AP1S3: variants seen among roughly 807,000 people sequenced by gnomAD.
The protein encoded by AP1S3 is adaptor related protein complex 1 subunit sigma 3, also known as AP-1 complex subunit sigma-3.
AP1S3 carries 10 observed loss-of-function variants against 20.9 expected under a neutral mutation model. That is an observed-to-expected ratio of 0.48 (90% confidence interval 0.29 to 0.81). The LOEUF (loss-of-function observed/expected upper bound fraction) is 0.81, where lower values mean the gene tolerates loss of function less well. Ranked by LOEUF, AP1S3 falls within the 30% of genes least tolerant of loss-of-function variation. The pLI, the probability that AP1S3 is intolerant of heterozygous loss-of-function variation, is 0.08. For synonymous variants in AP1S3, 41 were observed against 61.5 expected (o/e 0.67, Z 1.56); for missense variants, 154 against 183.8 (o/e 0.84, Z 0.94).
chr2:223,780,349 A>AGTGTGT (rs1298235522), intron 1 of AP1S3, among the ~76,000 whole-genome samples: 170 of 69,734 alleles, frequency 2.4e-3, no homozygotes, highest in Non-Finnish European at 3.2e-3. Context: ...AGAGAGAGAG[A>AGTGTGT]GAGAGAGAGT....
intron 4 of AP1S3, among the ~76,000 whole-genome samples, chr2:223,763,201 AG>A (rs1364970053): frequency 6.6e-6 from 1 of 152,214 alleles, no homozygotes; most frequent in East Asian, 1.9e-4. Flanking sequence ...GCTAAATGCA[AG>A]GTCCCCTGAG....
At chr2:223,806,932 A>T (rs1384870259) in intron 1 of AP1S3, among the ~76,000 whole-genome samples, 1 of 152,144 alleles carries the variant, frequency 6.6e-6, no homozygotes, top group Non-Finnish European at 1.5e-5. Flanking sequence ...ATTATGCATT[A>T]CTGTCATAAT....
intron 1 of AP1S3, among the ~76,000 whole-genome samples, chr2:223,792,937 A>C (rs1691243438): frequency 6.6e-6 from 1 of 152,250 alleles, no homozygotes; most frequent in Admixed American, 6.5e-5. Flanking sequence ...ACTTGTCAAA[A>C]GAAGACATAC....
At chr2:223,801,239 G>T (rs1691458679) in intron 1 of AP1S3, among the ~76,000 whole-genome samples, 1 of 152,132 alleles carries the variant, frequency 6.6e-6, no homozygotes, top group Admixed American at 6.6e-5. Context: ...ACTTGATAAG[G>T]ACTCTAGGGC....
At chr2:223,780,308 TAGAGAGAGAGAGAGAGAGAGAGAGAG>T (rs527550327) in intron 1 of AP1S3, among the ~76,000 whole-genome samples, 5 of 62,036 alleles carry the variant, frequency 8.1e-5, no homozygotes, top group African/African-American at 3.7e-4. Flanking sequence ...TATATATATA[TAGAGAGAGAGAGAGAGAGAGAGAGAG>T]AGAGAGAGAG....
chr2:223,837,582 T>G lies in AP1S3; in HGVS notation c.-132A>C. On this transcript the variant is annotated 5_prime_UTR_variant, in exon 1 of 5. Transcript: ENST00000396654. ...CTTAGACCATGGCTGCTTCCCACAA[T>G]GCCCTGGCACTGAAAGTGTGCAGAC... The G allele has an allele frequency of 2.0e-6, 1 of 508,742 alleles. No individual in the cohort carries two copies. The highest frequency in any genetic ancestry group is 2.0e-5 in the African/African-American group (1 of 50,304). 31.5% of individuals were successfully genotyped at this position (508,742 alleles called of 1,614,324 possible).
chr2:223,797,321 C>T (rs1691361977), intron 1 of AP1S3, among the ~76,000 whole-genome samples: 2 of 152,156 alleles, frequency 1.3e-5, no homozygotes, highest in South Asian at 4.2e-4. Context: ...CAACGAAAGC[C>T]GCAGCCACAG....
chr2:223,810,340 T>A (rs1232097411), intron 1 of AP1S3, among the ~76,000 whole-genome samples: 2 of 151,914 alleles, frequency 1.3e-5, no homozygotes, highest in African/African-American at 4.8e-5. Flanking sequence ...TGAGACAGGG[T>A]CTCCATCTAT....
At chr2:223,808,616 A>C (rs1423655154) in intron 1 of AP1S3, among the ~76,000 whole-genome samples, 1 of 152,234 alleles carries the variant, frequency 6.6e-6, no homozygotes, top group Non-Finnish European at 1.5e-5. Context: ...ACTAGAACAC[A>C]CTAGACTAAT....
At chr2:223,777,656 A>G (rs762677815) in intron 2 of AP1S3, 35 bp downstream of exon 2, 2 of 1,588,808 alleles carry the variant, frequency 1.3e-6, no homozygotes, top group South Asian at 1.1e-5. Flanking sequence ...CCAAAGTAAG[A>G]CTGAGAAATT....
intron 1 of AP1S3, among the ~76,000 whole-genome samples, chr2:223,786,559 G>A (rs186260410): frequency 6.6e-6 from 1 of 151,888 alleles, no homozygotes; most frequent in Admixed American, 6.6e-5. Context: ...TTCAAGACTA[G>A]CCTGGGCAAC....
At chr2:223,812,932 T>G (rs1300162571) in intron 1 of AP1S3, among the ~76,000 whole-genome samples, 1 of 148,532 alleles carries the variant, frequency 6.7e-6, no homozygotes, top group Non-Finnish European at 1.5e-5. Flanking sequence ...GGGTTTTTTG[T>G]TTTTTTTTTA....
At chr2:223,830,427 C>T (rs956421949) in intron 1 of AP1S3, among the ~76,000 whole-genome samples, 2 of 148,254 alleles carry the variant, frequency 1.3e-5, no homozygotes, top group African/African-American at 5.0e-5. Flanking sequence ...TGCAGTGAGC[C>T]GAGATTACGC....
intron 1 of AP1S3, among the ~76,000 whole-genome samples, chr2:223,795,776 G>A (rs1475031633): frequency 1.3e-5 from 2 of 152,140 alleles, no homozygotes; most frequent in Non-Finnish European, 2.9e-5. Context: ...CAATGATAAG[G>A]ACCTCAGTGA....
intron 1 of AP1S3, among the ~76,000 whole-genome samples, chr2:223,809,971 C>A (rs2106117571): frequency 6.6e-6 from 1 of 152,120 alleles, no homozygotes; most frequent in South Asian, 2.1e-4. Context: ...TCGTGATCCA[C>A]CCGCCTCGGC....
chr2:223,792,631 A>G (rs1487592617), intron 1 of AP1S3, among the ~76,000 whole-genome samples: 1 of 152,196 alleles, frequency 6.6e-6, no homozygotes, highest in Non-Finnish European at 1.5e-5. Context: ...ATAGAAGAAA[A>G]GCTAGGCAAT....
At chr2:223,787,586 C>T (rs1395632883) in intron 1 of AP1S3, among the ~76,000 whole-genome samples, 1 of 152,198 alleles carries the variant, frequency 6.6e-6, no homozygotes, top group African/African-American at 2.4e-5. Flanking sequence ...CCATAGAATG[C>T]CTGAGAGCAA....
At chr2:223,811,200 C>A (rs2106118516) in intron 1 of AP1S3, among the ~76,000 whole-genome samples, 1 of 151,416 alleles carries the variant, frequency 6.6e-6, no homozygotes, top group Non-Finnish European at 1.5e-5. Context: ...TCAAGCGATT[C>A]TCCTGCCTCA....
intron 3 of AP1S3, chr2:223,770,350 T>G: frequency 6.5e-7 from 1 of 1,549,090 alleles, no homozygotes; most frequent in Non-Finnish European, 8.7e-7. Context: ...TGACAGATAC[T>G]AATGAAAATT....
Sources: gnomAD v4.1 joint callset for allele counts (sites outside exome capture counted in the v4.1 genomes callset) on GRCh38, gnomAD v4.1.1 for gene constraint, MANE v1.5 for transcripts, NCBI Gene and HGNC (gene_info 2026-07-23, HGNC 2026-07-21) for gene names.